The following SYT9 variants were observed in gnomAD, a reference collection of about 807,000 sequenced individuals.
SYT9 encodes synaptotagmin 9.
A neutral mutation model predicts 48.4 loss-of-function variants in SYT9; 22 were observed. The observed-to-expected ratio is 0.45, with a 90% CI of 0.32 to 0.65. SYT9 has a LOEUF of 0.65. Among genes scored for constraint, SYT9 ranks in the 30% least tolerant of loss-of-function variants. SYT9 has a pLI of 0.03. For synonymous variants in SYT9, 265 were observed against 245.0 expected (o/e 1.08, Z -0.76); for missense variants, 577 against 622.0 (o/e 0.93, Z 0.77).
intron 1 of SYT9, among the ~76,000 whole-genome samples, chr11:7,284,677 A>G (rs2133908160): frequency 6.6e-6 from 1 of 151,830 alleles, no homozygotes; most frequent in East Asian, 1.9e-4. Context: ...TCTCTTTTTC[A>G]TTCATCTTTC....
intron 1 of SYT9, among the ~76,000 whole-genome samples, chr11:7,268,911 T>G (rs1848242864): frequency 6.6e-6 from 1 of 152,128 alleles, no homozygotes; most frequent in African/African-American, 2.4e-5. Context: ...AGGAGACTAC[T>G]AATCTACTTT....
chr11:7,265,292 A>T (rs527854463), intron 1 of SYT9, among the ~76,000 whole-genome samples: 1 of 152,264 alleles, frequency 6.6e-6, no homozygotes, highest in South Asian at 2.1e-4. Flanking sequence ...AGGGCAGTTG[A>T]CTGGTGGAAA....
At chr11:7,402,845 A>G (rs1240975583) in intron 3 of SYT9, among the ~76,000 whole-genome samples, 1 of 152,140 alleles carries the variant, frequency 6.6e-6, no homozygotes, top group Admixed American at 6.5e-5. Flanking sequence ...CAATGTTTAA[A>G]TCTGCCTTTT....
chr11:7,379,046 T>A (rs1307611545), intron 3 of SYT9, among the ~76,000 whole-genome samples: 1 of 152,102 alleles, frequency 6.6e-6, no homozygotes, highest in East Asian at 1.9e-4. Context: ...TACTTTTGGG[T>A]TTTTTCTTAT....
At chr11:7,404,535 A>C (rs1846964347) in intron 3 of SYT9, among the ~76,000 whole-genome samples, 1 of 152,166 alleles carries the variant, frequency 6.6e-6, no homozygotes, top group Non-Finnish European at 1.5e-5. Flanking sequence ...GCTAACTTGA[A>C]GTGATATTAT....
At chr11:7,451,071 C>T (rs1848038420) in intron 6 of SYT9, among the ~76,000 whole-genome samples, 1 of 152,220 alleles carries the variant, frequency 6.6e-6, no homozygotes, top group Non-Finnish European at 1.5e-5. Flanking sequence ...TATGACTTCA[C>T]ATTCCCAAAT....
intron 3 of SYT9, among the ~76,000 whole-genome samples, chr11:7,354,654 T>A (rs1457970534): frequency 6.6e-6 from 1 of 152,184 alleles, no homozygotes; most frequent in African/African-American, 2.4e-5. Context: ...GTCTGCTGAT[T>A]GTGTGCTTCT....
intron 3 of SYT9, among the ~76,000 whole-genome samples, chr11:7,318,347 CTT>C (rs1257875155): frequency 6.6e-6 from 1 of 150,386 alleles, no homozygotes; most frequent in East Asian, 1.9e-4. Flanking sequence ...GCATTTTGCT[CTT>C]GTCACCCAGG....
chr11:7,347,340 T>C (rs1399417083), intron 3 of SYT9, among the ~76,000 whole-genome samples: 2 of 152,148 alleles, frequency 1.3e-5, no homozygotes, highest in Non-Finnish European at 2.9e-5. Flanking sequence ...CAAGCGACTC[T>C]CTTGCCTCAG....
chr11:7,339,911 G>T (rs538227115), intron 3 of SYT9, among the ~76,000 whole-genome samples: 27 of 152,292 alleles, frequency 1.8e-4, no homozygotes, highest in African/African-American at 6.0e-4. Flanking sequence ...TCTCTAAGAA[G>T]GTTGGGGAAG....
At chr11:7,352,834 T>C (rs557977189) in intron 3 of SYT9, among the ~76,000 whole-genome samples, 1 of 152,234 alleles carries the variant, frequency 6.6e-6, no homozygotes, top group African/African-American at 2.4e-5. Flanking sequence ...TACTGGTCCC[T>C]GAAGGTCTTG....
At chr11:7,448,873 G>A (rs115949849) in intron 6 of SYT9, among the ~76,000 whole-genome samples, 2,248 of 152,242 alleles carry the variant, frequency 0.015, 44 homozygotes, top group African/African-American at 0.049. Flanking sequence ...AAGGCTGCCA[G>A]GCCCAGTTGA....
At chr11:7,353,750 C>T (rs1849963609) in intron 3 of SYT9, among the ~76,000 whole-genome samples, 1 of 152,186 alleles carries the variant, frequency 6.6e-6, no homozygotes. Flanking sequence ...GATGGTTTCT[C>T]TCCTGAATGG....
chr11:7,242,750 T>C (rs573441502), intron 1 of SYT9, among the ~76,000 whole-genome samples: 1 of 152,106 alleles, frequency 6.6e-6, no homozygotes, highest in Non-Finnish European at 1.5e-5. Context: ...ATGGAGATAA[T>C]TGAAAGTATA....
intron 1 of SYT9, among the ~76,000 whole-genome samples, chr11:7,267,421 G>C (rs929253941): frequency 1.3e-5 from 2 of 151,770 alleles, no homozygotes; most frequent in Non-Finnish European, 2.9e-5. Flanking sequence ...CACATTTACT[G>C]ACCATAAAAT....
At chr11:7,384,460 A>G (rs1850620427) in intron 3 of SYT9, among the ~76,000 whole-genome samples, 1 of 152,174 alleles carries the variant, frequency 6.6e-6, no homozygotes, top group Non-Finnish European at 1.5e-5. Context: ...TGCTCAGGCA[A>G]AAAATTCTGG....
chr11:7,397,813 T>C (rs1846786390), intron 3 of SYT9, among the ~76,000 whole-genome samples: 2 of 152,216 alleles, frequency 1.3e-5, no homozygotes, highest in Non-Finnish European at 2.9e-5. Flanking sequence ...TGCTAATATA[T>C]AAAAATCATA....
At chr11:7,450,048 A>G (rs1157138184) in intron 6 of SYT9, among the ~76,000 whole-genome samples, 1 of 152,042 alleles carries the variant, frequency 6.6e-6, no homozygotes, top group Non-Finnish European at 1.5e-5. Flanking sequence ...TAATAATCCA[A>G]TGTTACATTT....
chr11:7,350,033 G>T lies in SYT9; in HGVS notation c.1044+36092G>T, dbSNP rs543776626. On this transcript the variant is annotated intron_variant, in intron 3 of 6. Transcript: ENST00000318881. ...CCACCCTGTGAGTCACTCATGCCAG[G>T]GGGGGACCCACCGAGGATGCCTCAT... is the stretch of plus-strand genomic sequence containing the variant. Among the ~76,000 whole-genome samples the T allele has an allele frequency of 8.5e-5, 13 of 152,202 alleles. No homozygotes were observed. The East Asian group carries it at 1.9e-3, about 23-fold the overall frequency.
Sources: gnomAD v4.1 joint callset for allele counts (sites outside exome capture counted in the v4.1 genomes callset) on GRCh38, gnomAD v4.1.1 for gene constraint, MANE v1.5 for transcripts, NCBI Gene and HGNC (gene_info 2026-07-23, HGNC 2026-07-21) for gene names.